Variants in DQX1 observed in about 807,000 individuals in gnomAD.
DQX1 encodes DEAQ-box RNA dependent ATPase 1.
A neutral mutation model predicts 81.3 loss-of-function variants in DQX1; 66 were observed. That is an observed-to-expected ratio of 0.81 (90% CI 0.67 to 1.00). The LOEUF (loss-of-function observed/expected upper bound fraction) is 1.00. Among genes scored for constraint, DQX1 ranks in the 50% least tolerant of loss-of-function variants. DQX1 has a pLI of 0.00. For missense variants in DQX1, 798 were observed against 867.9 expected (o/e 0.92, Z 1.01); for synonymous variants, 290 against 350.0 (o/e 0.83, Z 1.91).
chr2:74,519,242 GCA>G lies in DQX1; in HGVS notation c.1807-14_1807-13del. On this transcript the variant is annotated splice_polypyrimidine_tract_variant and intron_variant, in intron 10 of 11. Transcript: ENST00000404568. The stretch of plus-strand genomic sequence containing the variant: ...GTGTCTCTGGCCACCTTATTGAAAG[GCA>G]GAAATATTGACGGAATAAATAAAAG... 1 of 1,542,264 alleles carries G rather than the reference GCA, an allele frequency of 6.5e-7. No individual in the cohort carries two copies. The highest frequency in any genetic ancestry group is 8.7e-7 in the Non-Finnish European group (1 of 1,145,820).
At position 74,525,555 on chromosome 2, in the gene DQX1, C is replaced by T. The variant is rs1380909810; in HGVS notation, c.175G>A (p.Glu59Lys). Residue 59 changes from glutamate to lysine, a missense_variant, in exon 2 of 12, where the codon GAG (glutamate) becomes AAG (lysine). Transcript: ENST00000404568. This position sits in a 1 kb window ranked among gnomAD's most constrained non-coding sequence, Gnocchi z 4.1. The stretch of plus-strand genomic sequence containing the variant: ...AGCACCACTCCAGTGGGGTTACTCT[C>T]CAACTGCTCCAAGAAGGTAAAGCGA... ...AARFTFLEQL[E>K]SNPTGVVLVS... The T allele has an allele frequency of 1.3e-6, 2 of 1,552,194 alleles. No homozygotes were observed. Among genetic ancestry groups the T allele is most frequent in the Non-Finnish European group, 1.7e-6 (2 of 1,147,098 alleles).
Position 74,519,559 on chromosome 2 carries a change from G to A in DQX1, c.1803C>T (p.Leu601=). The A allele has an allele frequency of 6.2e-7, 1 of 1,614,006 alleles. No individual in the cohort carries two copies. Among genetic ancestry groups the A allele is most frequent in the Non-Finnish European group, 8.5e-7 (1 of 1,179,898 alleles). ...CACCCCCACCCTTTCCTCTAACCTT[G>A]AGAAAGTATCCTGACACCAGTGCTT... ...LQKALVSGYF[L]KVARDTDGTG... is the part of the protein sequence containing the mutation. The change falls in exon 10 of 12, where the codon CTC becomes CTT. Residue 601 remains leucine, a synonymous_variant. Transcript: ENST00000404568.
Position 74,518,611 on chromosome 2 carries a change from G to C in DQX1, c.1998-9C>G. On this transcript the variant is annotated splice_polypyrimidine_tract_variant and intron_variant, in intron 11 of 11. Transcript: ENST00000404568. ...GGGCCAATTCCACCAGCCTAATAGAGAGAGTCATAATTAGATGATCTGCAT... is the reference window on the plus strand; with the variant it reads ...GGGCCAATTCCACCAGCCTAATAGACAGAGTCATAATTAGATGATCTGCAT... 2 of 1,613,270 alleles carry C rather than the reference G, an allele frequency of 1.2e-6. No homozygotes were observed. The highest frequency in any genetic ancestry group is 1.7e-6 in the Non-Finnish European group (2 of 1,179,360).
At position 74,519,116 on chromosome 2, in the gene DQX1, G is replaced by T; in HGVS notation, c.1921C>A (p.Pro641Thr). 1.2e-6 allele frequency: 2 copies of T among 1,612,286 alleles called. No homozygotes were observed. The highest frequency in any genetic ancestry group is 1.7e-6 in the Non-Finnish European group (2 of 1,179,336). ...RSRRAPARPPPWVLYHNFTIS... is the reference protein window; with the variant it reads ...RSRRAPARPPTWVLYHNFTIS... ...GTGAAATTGTGGTAGAGCACCCATG[G>T]TGGGGGTCTGGCAGGAGCTCTGCGG... The change falls in exon 11 of 12, where the codon CCA (proline) becomes ACA (threonine). Residue 641 changes from proline to threonine, a missense_variant. Coordinates refer to ENST00000404568, the MANE Select transcript of DQX1 (RefSeq NM_133637.3).
rs143229792 is a variant in DQX1, at chr2:74,523,895, GTT to G, written c.816+26_816+27del. 6 of 1,514,792 alleles carry G rather than the reference GTT, an allele frequency of 4.0e-6. No individual in the cohort carries two copies. In the African/African-American group the frequency reaches 8.4e-5, roughly 21 times the overall value. The allele number at this position is 1,514,792 out of a possible 1,614,324, so 93.8% of individuals were successfully genotyped here. On this transcript the variant is annotated intron_variant, in intron 4 of 11. Coordinates refer to ENST00000404568, the MANE Select transcript of DQX1 (RefSeq NM_133637.3). ...CTTTTGCAGGCTCATTTTGCAGGCTGTTTTTTTTGTTTTGTTTTGTTTTTTAC... is the reference window on the plus strand; with the variant it reads ...CTTTTGCAGGCTCATTTTGCAGGCTGTTTTTTGTTTTGTTTTGTTTTTTAC...
At chr2:74,519,842 A>C (rs2104334410) in intron 9 of DQX1, 73 bp downstream of exon 9, 2 of 1,602,434 alleles carry the variant, frequency 1.2e-6, no homozygotes, top group East Asian at 2.2e-5. Context: ...GAGCATAGAG[A>C]TCTGTCAGCT....
chr2:74,518,532 G>C lies in DQX1; in HGVS notation c.2068C>G (p.Gln690Glu). The C allele has an allele frequency of 8.7e-6, 14 of 1,614,206 alleles. No homozygotes were observed. Among genetic ancestry groups the C allele is most frequent in the Non-Finnish European group, 1.2e-5 (14 of 1,180,022 alleles). ...PPSESRDLLN[Q>E]LREGMADSTA... ...GAATCTGCCATTCCTTCCCTTAGCTGGTTCAGAAGGTCTCTGCTCTCACTG... is the reference window on the plus strand; with the variant it reads ...GAATCTGCCATTCCTTCCCTTAGCTCGTTCAGAAGGTCTCTGCTCTCACTG... Residue 690 changes from glutamine to glutamate, a missense_variant, in exon 12 of 12, where the codon CAG becomes GAG. Gln to Glu is a conservative substitution (Grantham distance 29). Coordinates refer to ENST00000404568, the MANE Select transcript of DQX1 (RefSeq NM_133637.3).
chr2:74,525,809 C>G lies in DQX1; in HGVS notation c.-19-61G>C. The G allele has an allele frequency of 8.3e-7, 1 of 1,199,876 alleles. No homozygotes were observed. The highest frequency in any genetic ancestry group is 1.2e-6 in the Non-Finnish European group (1 of 853,792). The allele number at this position is 1,199,876 out of a possible 1,614,324, so 74.3% of individuals were successfully genotyped here. Reference sequence around the variant, plus strand: ...GGTGACCGACACCATCTTCCCACCTCAGCCCTGATCCTTAACCTCTACCTT... The same window carrying G: ...GGTGACCGACACCATCTTCCCACCTGAGCCCTGATCCTTAACCTCTACCTT... On this transcript the variant is annotated intron_variant, in intron 1 of 11. Coordinates refer to ENST00000404568, the MANE Select transcript of DQX1 (RefSeq NM_133637.3). This position sits in a 1 kb window ranked among gnomAD's most constrained non-coding sequence, Gnocchi z 4.1.
intron 8 of DQX1, among the ~76,000 whole-genome samples, chr2:74,521,767 CT>C (rs1675033248): frequency 7.4e-6 from 1 of 135,276 alleles, no homozygotes; most frequent in African/African-American, 3.7e-5. Context: ...TTCCCTCTCC[CT>C]CTCTCCCCCT....
At chr2:74,522,439 G>A in intron 8 of DQX1, 141 bp downstream of exon 8, 7 of 990,026 alleles carry the variant, frequency 7.1e-6, no homozygotes, top group Non-Finnish European at 1.0e-5. Flanking sequence ...AGGGAGATGG[G>A]TGACTAAGCC....
At position 74,523,140 on chromosome 2, in the gene DQX1, G is replaced by T. The variant is rs150420269; in HGVS notation, c.1123C>A (p.Arg375=). 4.3e-6 allele frequency: 7 copies of T among 1,614,160 alleles called. No individual in the cohort carries two copies. The highest frequency in any genetic ancestry group is 5.9e-6 in the Non-Finnish European group (7 of 1,180,026). Residue 375 remains arginine (R), a synonymous_variant, in exon 6 of 12, where the codon CGA becomes AGA. Transcript: ENST00000404568. ...TTACCTGGTGGGAACCCTCTTGCTC[G>T]CAATCGTCTTGCCTCTGCCTGACAC... The part of the protein sequence containing the change: ...SKCQAEARRL[R]ARGFPPGSCL...
chr2:74,522,664 C>A lies in DQX1; in HGVS notation c.1411G>T (p.Ala471Ser). Residue 471 changes from alanine to serine, a missense_variant, in exon 8 of 12, where the codon GCC becomes TCC. Transcript: ENST00000404568. ...AGCAGGGCTTTGGCCAGCTCAGGGGCCAGAGGGAATTCTGATAGTATGACA... is the reference window on the plus strand; with the variant it reads ...AGCAGGGCTTTGGCCAGCTCAGGGGACAGAGGGAATTCTGATAGTATGACA... ...LGVILSEFPL[A>S]PELAKALLAS... 1 of 1,614,200 alleles carries A rather than the reference C, an allele frequency of 6.2e-7. No individual in the cohort carries two copies. Among genetic ancestry groups the A allele is most frequent in the Non-Finnish European group, 8.5e-7 (1 of 1,180,030 alleles).
rs748973277 is a variant in DQX1, at chr2:74,519,724, G to A, written c.1638C>T (p.Cys546=). The stretch of plus-strand genomic sequence containing the variant: ...CTGCCCAATTCAGACCTCGAGCCTG[G>A]CACCAAGCCTCATCTGCTCCACCTA... ...FIQSGADEAW[C]QARGLNWAAL... Residue 546 remains cysteine (C), a synonymous_variant, in exon 10 of 12, where the codon TGC becomes TGT. Transcript: ENST00000404568. 1.9e-6 allele frequency: 3 copies of A among 1,614,144 alleles called. No individual in the cohort carries two copies. The highest frequency in any genetic ancestry group is 8.5e-7 in the Non-Finnish European group (1 of 1,180,016).
At position 74,518,279 on chromosome 2, in the gene DQX1, C is replaced by A; in HGVS notation, c.*167G>T. ...CCTTCCCTATGTAGACTGTGGTTTA[C>A]CCCATTCTTTCCATTCCCAGTCTAC... is the stretch of plus-strand genomic sequence containing the variant. On this transcript the variant is annotated 3_prime_UTR_variant, in exon 12 of 12. Coordinates refer to ENST00000404568, the MANE Select transcript of DQX1 (RefSeq NM_133637.3). The A allele has an allele frequency of 2.7e-6, 2 of 736,456 alleles. No homozygotes were observed. The highest frequency in any genetic ancestry group is 4.3e-6 in the Non-Finnish European group (2 of 462,064). 45.6% of individuals were successfully genotyped at this position (736,456 alleles called of 1,614,324 possible). A position where few individuals can be genotyped will look rare whatever the true frequency, so the allele number is the denominator to read the frequency against.
At position 74,522,788 on chromosome 2, in the gene DQX1, G is replaced by A. The variant is rs768284559; in HGVS notation, c.1304-17C>T. The A allele has an allele frequency of 2.5e-6, 4 of 1,613,806 alleles. No individual in the cohort carries two copies. The African/African-American group carries it at 5.3e-5, about 22-fold the overall frequency. Reference sequence around the variant, plus strand: ...CTTCTGGAGCTGGTGAGGAAACAGGGCTTACAGGATATGAAGTTTCAGAAC... The same window carrying A: ...CTTCTGGAGCTGGTGAGGAAACAGGACTTACAGGATATGAAGTTTCAGAAC... On this transcript the variant is annotated splice_polypyrimidine_tract_variant and intron_variant, in intron 7 of 11. Transcript: ENST00000404568.
chr2:74,520,113 A>G (rs1036157285), intron 8 of DQX1, 79 bp from the exon 9 acceptor site: 81 of 1,545,336 alleles, frequency 5.2e-5, no homozygotes, highest in Non-Finnish European at 6.8e-5. Context: ...AATGCTGAAA[A>G]GGCAGAAGTG....
chr2:74,518,341 A>G lies in DQX1; in HGVS notation c.*105T>C. 1 of 1,386,284 alleles carries G rather than the reference A, an allele frequency of 7.2e-7. No individual in the cohort carries two copies. Among genetic ancestry groups the G allele is most frequent in the South Asian group, 1.4e-5 (1 of 72,658 alleles). 85.9% of individuals were successfully genotyped at this position (1,386,284 alleles called of 1,614,324 possible). Reference sequence around the variant, plus strand: ...ACTCAGGTTCCAGGGTTTACATTTGACCCTAAACTTTGGGCTTCTAAATCT... The same window carrying G: ...ACTCAGGTTCCAGGGTTTACATTTGGCCCTAAACTTTGGGCTTCTAAATCT... On this transcript the variant is annotated 3_prime_UTR_variant, in exon 12 of 12. Transcript: ENST00000404568.
At chr2:74,519,319 G>T (rs900216832) in intron 10 of DQX1, 89 bp from the exon 11 acceptor site, 6 of 1,422,650 alleles carry the variant, frequency 4.2e-6, no homozygotes, top group Non-Finnish European at 4.7e-6. Flanking sequence ...GAAAGAGTAA[G>T]GGTGATGAGA....
In DQX1 at chr2:74,522,641, C is replaced by G; in HGVS notation, c.1434G>C (p.Leu478=). ...CACAGTCAAACTCGCATGAGGCCAG[C>G]AGGGCTTTGGCCAGCTCAGGGGCCA... ...FPLAPELAKA[L]LASCEFDCVD... The change falls in exon 8 of 12, where the codon CTG becomes CTC. Residue 478 remains leucine, a synonymous_variant. Coordinates refer to ENST00000404568, the MANE Select transcript of DQX1 (RefSeq NM_133637.3). 1 of 1,614,194 alleles carries G rather than the reference C, an allele frequency of 6.2e-7. No homozygotes were observed. Among genetic ancestry groups the G allele is most frequent in the South Asian group, 1.1e-5 (1 of 91,082 alleles).
Sources: allele counts gnomAD v4.1 joint callset (sites outside exome capture counted in the v4.1 genomes callset), GRCh38; gene constraint gnomAD v4.1.1; non-coding constraint Gnocchi (gnomAD v3.1); transcripts MANE v1.5; gene names NCBI Gene and HGNC (gene_info 2026-07-23, HGNC 2026-07-21).